Variants in GGCX observed in about 807,000 individuals in gnomAD.
The protein encoded by GGCX is gamma-glutamyl carboxylase, also known as vitamin K-dependent gamma-carboxylase.
In GGCX, 63 loss-of-function variants were observed where a neutral mutation model predicts 88.5. That is an observed-to-expected ratio of 0.71 (90% CI 0.58 to 0.88). GGCX has a LOEUF of 0.88. Ranked by LOEUF, GGCX falls within the 40% of genes least tolerant of loss-of-function variation. The pLI, the probability that GGCX is intolerant of heterozygous loss-of-function variation, is 0.00. For missense variants in GGCX, 805 were observed against 932.9 expected (o/e 0.86, Z 1.79); for synonymous variants, 368 against 365.8 (o/e 1.01, Z -0.07).
intron 6 of GGCX, 158 bp downstream of exon 6, chr2:85,555,326 A>G: frequency 1.6e-6 from 1 of 616,152 alleles, no homozygotes; most frequent in African/African-American, 1.8e-5. Flanking sequence ...ATCTTTTGAT[A>G]CCACTGACTC....
rs765277952 is a variant in GGCX at position 85,547,470 on chromosome 2, A to G, written c.*2464T>C. 1 of 152,170 alleles carries G rather than the reference A, an allele frequency of 6.6e-6. No homozygotes were observed. The highest frequency in any genetic ancestry group is 2.4e-5 in the African/African-American group (1 of 41,442). The allele number at this position is 152,170 out of a possible 1,614,324, so 9.4% of individuals were successfully genotyped here. On this transcript the variant is annotated 3_prime_UTR_variant, in exon 15 of 15. Transcript: ENST00000233838. ...TATCTTCCTTGGGAAAATTGGTCAG[A>G]GAGGTGGTATACTAACAGTTTGGGG...
At chr2:85,550,792 C>A in intron 13 of GGCX, 42 bp from the exon 14 acceptor site, 1 of 1,594,240 alleles carries the variant, frequency 6.3e-7, no homozygotes, top group South Asian at 1.1e-5. Flanking sequence ...TGAGATGGAT[C>A]ACTCTCTCCC....
In GGCX at chr2:85,561,473, C is replaced by G. The variant is rs767176094; in HGVS notation, c.-45G>C. On this transcript the variant is annotated 5_prime_UTR_variant, in exon 1 of 15. Transcript: ENST00000233838. Reference sequence around the variant, plus strand: ...GTGGGTCACAGCTGCCGCGTCTGAACGGAGGCCGCCAGGAGAATTTGCTTC... The same window carrying G: ...GTGGGTCACAGCTGCCGCGTCTGAAGGGAGGCCGCCAGGAGAATTTGCTTC... 1 of 1,447,992 alleles carries G rather than the reference C, an allele frequency of 6.9e-7. No homozygotes were observed. The allele number at this position is 1,447,992 out of a possible 1,614,324, so 89.7% of individuals were successfully genotyped here.
chr2:85,551,634 A>C, intron 11 of GGCX, 24 bp from the exon 12 acceptor site: 1 of 1,612,494 alleles, frequency 6.2e-7, no homozygotes, highest in Non-Finnish European at 8.5e-7. Flanking sequence ...AGAGTTCATC[A>C]TCCCACCCCA....
At position 85,545,218 on chromosome 2, in the gene GGCX, T is replaced by C. The variant is rs1691598055; in HGVS notation, c.*4716A>G. On this transcript the variant is annotated 3_prime_UTR_variant, in exon 15 of 15. Transcript: ENST00000233838. ...TCTATTTTTGGAGGTTTATTACGTATGTCTGGTTCTCAATTCCAACAGTTT... is the reference window on the plus strand; with the variant it reads ...TCTATTTTTGGAGGTTTATTACGTACGTCTGGTTCTCAATTCCAACAGTTT... 6.6e-6 allele frequency: 1 copy of C among 152,658 alleles called. No homozygotes were observed. The highest frequency in any genetic ancestry group is 2.4e-5 in the African/African-American group (1 of 41,456). The allele number at this position is 152,658 out of a possible 1,614,324, so 9.5% of individuals were successfully genotyped here. A position where few individuals can be genotyped will look rare whatever the true frequency, so the allele number is the denominator to read the frequency against.
chr2:85,554,238 G>A lies in GGCX; in HGVS notation c.794C>T (p.Ser265Leu), dbSNP rs764092614. 3 of 1,613,284 alleles carry A rather than the reference G, an allele frequency of 1.9e-6. No individual in the cohort carries two copies. Among genetic ancestry groups the A allele is most frequent in the Admixed American group, 1.7e-5 (1 of 59,990 alleles). ...ATCAAAAAAGAGCAGGAAACCAGCTGAGAGGTCAAGCAGCAGCCCACCCCA... is the reference window on the plus strand; with the variant it reads ...ATCAAAAAAGAGCAGGAAACCAGCTAAGAGGTCAAGCAGCAGCCCACCCCA... ...VHWGGLLLDL[S>L]AGFLLFFDVS... is the part of the protein sequence containing the mutation. The change falls in exon 7 of 15, where the codon TCA (serine) becomes TTA (leucine). Residue 265 changes from serine (S) to leucine (L), a missense_variant. Physicochemically the swap from Ser to Leu is moderately radical, Grantham distance 145. Coordinates refer to ENST00000233838, the MANE Select transcript of GGCX (RefSeq NM_000821.7).
chr2:85,559,134 A>G, intron 2 of GGCX, 59 bp from the exon 3 acceptor site: 1 of 1,368,624 alleles, frequency 7.3e-7, no homozygotes, highest in Non-Finnish European at 1.0e-6. Flanking sequence ...AGTAGAATAC[A>G]GTGGAACACA....
At position 85,544,862 on chromosome 2, in the gene GGCX, A is replaced by C. The variant is rs1205363146; in HGVS notation, c.*5072T>G. ...ATCCCTTCATACTTGAACGTTTTCT[A>C]ATTGCTTATTTATTGTATTCTGGGG... is the stretch of plus-strand genomic sequence containing the variant. On this transcript the variant is annotated 3_prime_UTR_variant, in exon 15 of 15. Transcript: ENST00000233838. 4 of 152,550 alleles carry C rather than the reference A, an allele frequency of 2.6e-5. No individual in the cohort carries two copies. 9.4% of individuals were successfully genotyped at this position (152,550 alleles called of 1,614,324 possible).
chr2:85,558,756 AAG>A (rs1446198564), intron 3 of GGCX, 151 bp from the exon 4 acceptor site: 1 of 872,680 alleles, frequency 1.1e-6, no homozygotes, highest in East Asian at 2.6e-5. Context: ...ATATTTTAAA[AAG>A]AATTATGGGA....
intron 8 of GGCX, 75 bp from the exon 9 acceptor site, chr2:85,553,145 C>A: frequency 6.2e-7 from 1 of 1,606,658 alleles, no homozygotes; most frequent in Non-Finnish European, 8.5e-7. Flanking sequence ...GAAGGGGCTG[C>A]AAAACCAGCC....
Position 85,554,264 on chromosome 2 carries a change from G to C in GGCX, c.768C>G (p.His256Gln). 6.2e-7 allele frequency: 1 copy of C among 1,614,010 alleles called. No homozygotes were observed. The highest frequency in any genetic ancestry group is 2.2e-5 in the East Asian group (1 of 44,882). ...AGAGGTCAAGCAGCAGCCCACCCCA[G>C]TGCACGACCAGCAGGCTAGTCAGCT... ...SEELTSLLVV[H>Q]WGGLLLDLSA... The change falls in exon 7 of 15, where the codon CAC (histidine) becomes CAG (glutamine). Residue 256 changes from histidine (H) to glutamine (Q), a missense_variant. Physicochemically the swap from His to Gln is conservative, Grantham distance 24. Coordinates refer to ENST00000233838, the MANE Select transcript of GGCX (RefSeq NM_000821.7).
chr2:85,560,488 A>G (rs1692386801), intron 2 of GGCX, among the ~76,000 whole-genome samples: 1 of 152,138 alleles, frequency 6.6e-6, no homozygotes, highest in Admixed American at 6.5e-5. Flanking sequence ...CTGTAATCCC[A>G]GCTACTCGGG....
chr2:85,550,039 G>C lies in GGCX; in HGVS notation c.2172C>G (p.Asn724Lys). ...CTCCAACTGCCTCAAAGGGTCTCAA[G>C]TTTGCATAAGTCACCTCCTGGGCCA... Reference protein sequence around the residue: ...EQLAQEVTYANLRPFEAVGEL... With the variant: ...EQLAQEVTYAKLRPFEAVGEL... Residue 724 changes from asparagine (N) to lysine (K), a missense_variant, in exon 15 of 15, where the codon AAC (asparagine) becomes AAG (lysine). Physicochemically the swap from Asn to Lys is moderately conservative, Grantham distance 94. This residue lies in a region of GGCX where 680 missense variants were observed against 763.7 expected (regional missense o/e 0.89). Transcript: ENST00000233838. 6.2e-7 allele frequency: 1 copy of C among 1,612,246 alleles called. No homozygotes were observed. The highest frequency in any genetic ancestry group is 8.5e-7 in the Non-Finnish European group (1 of 1,178,424).
intron 7 of GGCX, chr2:85,553,719 C>T: frequency 1.8e-6 from 1 of 551,742 alleles, no homozygotes; most frequent in Non-Finnish European, 3.2e-6. Flanking sequence ...CTTGCCTCAG[C>T]CTCCCAAGTA....
At position 85,558,931 on chromosome 2, in the gene GGCX, G is replaced by T; in HGVS notation, c.359C>A (p.Thr120Asn). Residue 120 changes from threonine to asparagine, a missense_variant, in exon 3 of 15, where the codon ACC (threonine) becomes AAC (asparagine). Physicochemically the swap from Thr to Asn is moderately conservative, Grantham distance 65. Around this residue, in one of 3 missense-constraint regions of GGCX, gnomAD observed 61 missense variants for 111.9 expected, o/e 0.54. Coordinates refer to ENST00000233838, the MANE Select transcript of GGCX (RefSeq NM_000821.7). Reference sequence around the variant, plus strand: ...GTTCCCCTCACCCAGAAACATGATGGTGTAGACAAGATACATCCAGTCAAG... The same window carrying T: ...GTTCCCCTCACCCAGAAACATGATGTTGTAGACAAGATACATCCAGTCAAG... Reference protein sequence around the residue: ...LPLDWMYLVYTIMFLGALGMM... With the variant: ...LPLDWMYLVYNIMFLGALGMM... 5.0e-6 allele frequency: 8 copies of T among 1,613,740 alleles called. No homozygotes were observed. The highest frequency in any genetic ancestry group is 6.8e-6 in the Non-Finnish European group (8 of 1,179,662).
chr2:85,560,807 G>A lies in GGCX; in HGVS notation c.214+8C>T, dbSNP rs1243420722. The A allele has an allele frequency of 3.1e-6, 5 of 1,611,284 alleles. No individual in the cohort carries two copies. The highest frequency in any genetic ancestry group is 4.2e-6 in the Non-Finnish European group (5 of 1,177,502). ...ACCAAATTGCTCCCACCCATAAACT[G>A]GACTCACCAAAAAGAAAACGAAAGA... On this transcript the variant is annotated splice_region_variant and intron_variant, in intron 2 of 14. Coordinates refer to ENST00000233838, the MANE Select transcript of GGCX (RefSeq NM_000821.7).
chr2:85,545,981 T>C lies in GGCX; in HGVS notation c.*3953A>G, dbSNP rs1691643532. 6.6e-6 allele frequency: 1 copy of C among 152,214 alleles called. No individual in the cohort carries two copies. The highest frequency in any genetic ancestry group is 1.5e-5 in the Non-Finnish European group (1 of 68,028). The allele number at this position is 152,214 out of a possible 1,614,324, so 9.4% of individuals were successfully genotyped here. On this transcript the variant is annotated 3_prime_UTR_variant, in exon 15 of 15. Coordinates refer to ENST00000233838, the MANE Select transcript of GGCX (RefSeq NM_000821.7). ...AGAAAATCCGCAGACCACACTGCTCTTGAACCTAGGAGCTACATGCATAGA... is the reference window on the plus strand; with the variant it reads ...AGAAAATCCGCAGACCACACTGCTCCTGAACCTAGGAGCTACATGCATAGA...
At chr2:85,556,766 A>T (rs1692221504) in intron 4 of GGCX, among the ~76,000 whole-genome samples, 1 of 152,226 alleles carries the variant, frequency 6.6e-6, no homozygotes, top group East Asian at 1.9e-4. Flanking sequence ...GATTAGACCC[A>T]GGCTACTAAC....
chr2:85,560,564 T>C (rs1008630081), intron 2 of GGCX, among the ~76,000 whole-genome samples: 1 of 151,530 alleles, frequency 6.6e-6, no homozygotes, highest in Non-Finnish European at 1.5e-5. Context: ...GATAGCGCCA[T>C]TGCACTCCAG....
Sources: allele counts gnomAD v4.1 joint callset (sites outside exome capture counted in the v4.1 genomes callset), GRCh38; gene constraint gnomAD v4.1.1; regional missense constraint gnomAD v4.1.1; transcripts MANE v1.5; gene names NCBI Gene and HGNC (gene_info 2026-07-23, HGNC 2026-07-21).